ALDH1A2: variants seen among roughly 807,000 people sequenced by gnomAD.
The protein encoded by ALDH1A2 is aldehyde dehydrogenase 1 family member A2.
A neutral mutation model predicts 60.3 loss-of-function variants in ALDH1A2; 27 were observed. The observed-to-expected ratio is 0.45, with a 90% CI of 0.33 to 0.62. ALDH1A2 has a LOEUF of 0.62. ALDH1A2 is among the 20% of genes least tolerant of loss of function. The pLI is 0.02. For synonymous variants in ALDH1A2, 289 were observed against 232.4 expected (o/e 1.24, Z -2.21); for missense variants, 581 against 643.8 (o/e 0.90, Z 1.06).
At chr15:58,061,218 T>C (rs1645041937) in intron 1 of ALDH1A2, among the ~76,000 whole-genome samples, 2 of 151,982 alleles carry the variant, frequency 1.3e-5, no homozygotes, top group Admixed American at 6.6e-5. Flanking sequence ...TTGTCCAGCT[T>C]CCCTGTGTTA....
intron 7 of ALDH1A2, among the ~76,000 whole-genome samples, chr15:57,989,161 C>T (rs1360511111): frequency 6.6e-6 from 1 of 152,128 alleles, no homozygotes; most frequent in Non-Finnish European, 1.5e-5. Context: ...AAATGTTACT[C>T]GTTTTTAGAC....
rs1285033318 is a variant in ALDH1A2 at position 57,996,633 on chromosome 15, C to T, written c.494-1494G>A. On this transcript the variant is annotated intron_variant, in intron 4 of 12. Transcript: ENST00000249750. ...ACATAGAAGTCACTTTCAGTTTAGG[C>T]TATTATAAATAATGCTGCAAAGACT... Among the ~76,000 whole-genome samples, 4 of 151,808 alleles carry T rather than the reference C, an allele frequency of 2.6e-5. No individual in the cohort carries two copies. In the East Asian group the frequency reaches 7.8e-4, roughly 29 times the overall value.
Position 58,065,634 on chromosome 15 carries a change from A to G in ALDH1A2, c.17T>C (p.Ile6Thr), listed in dbSNP as rs747209920. Residue 6 changes from isoleucine (I) to threonine (T), a missense_variant, in exon 1 of 13, where the codon ATA becomes ACA. Around this residue, in one of 2 missense-constraint regions of ALDH1A2, gnomAD observed 206 missense variants for 174.1 expected, o/e 1.18. Transcript: ENST00000249750. ...GGCCTTCACCTCGCCGGGCATCTCT[A>G]TCTTGCTGGAAGTCATGGTGGCGGG... MTSSKIEMPGEVKADP... is the reference protein window; with the variant it reads MTSSKTEMPGEVKADP... 20 of 1,601,702 alleles carry G rather than the reference A, an allele frequency of 1.2e-5. No individual in the cohort carries two copies. In the South Asian group the frequency reaches 1.7e-4, roughly 13 times the overall value.
intron 7 of ALDH1A2, among the ~76,000 whole-genome samples, chr15:57,976,322 A>G (rs1180315070): frequency 6.6e-6 from 1 of 152,202 alleles, no homozygotes; most frequent in African/African-American, 2.4e-5. Context: ...ATTCTGGGAT[A>G]CATGTGCAGA....
At chr15:58,054,278 A>G (rs1896843601) in intron 1 of ALDH1A2, among the ~76,000 whole-genome samples, 1 of 152,180 alleles carries the variant, frequency 6.6e-6, no homozygotes, top group East Asian at 1.9e-4. Flanking sequence ...TTGGTAAGTA[A>G]AAAAGATCTG....
intron 7 of ALDH1A2, among the ~76,000 whole-genome samples, chr15:57,976,906 A>G (rs1458789666): frequency 7.9e-5 from 12 of 152,176 alleles, no homozygotes; most frequent in African/African-American, 2.7e-4. Flanking sequence ...CTATTTCTCC[A>G]AATCCTCTCC....
intron 1 of ALDH1A2, among the ~76,000 whole-genome samples, chr15:58,035,866 A>C (rs1456533971): frequency 6.6e-6 from 1 of 151,632 alleles, no homozygotes; most frequent in African/African-American, 2.4e-5. Context: ...GCTTGAGAAA[A>C]ATGTGCATTT....
chr15:57,972,705 T>C (rs188851821), intron 7 of ALDH1A2, among the ~76,000 whole-genome samples: 11 of 152,240 alleles, frequency 7.2e-5, no homozygotes, highest in Non-Finnish European at 1.3e-4. Flanking sequence ...TTTATGCTAA[T>C]AGTTTAAAAC....
chr15:58,031,556 C>CT (rs1896240539), intron 1 of ALDH1A2, among the ~76,000 whole-genome samples: 1 of 152,150 alleles, frequency 6.6e-6, no homozygotes, highest in Non-Finnish European at 1.5e-5. Flanking sequence ...GCAAAAGAAA[C>CT]TATCATCAGA....
chr15:58,033,851 T>A (rs1418311208), intron 1 of ALDH1A2, among the ~76,000 whole-genome samples: 2 of 40,600 alleles, frequency 4.9e-5, no homozygotes, highest in African/African-American at 1.6e-4. Context: ...TTTTTCTGTA[T>A]TTTTTTTTTG....
At chr15:58,012,460 T>C (rs1895660953) in intron 3 of ALDH1A2, among the ~76,000 whole-genome samples, 1 of 152,182 alleles carries the variant, frequency 6.6e-6, no homozygotes, top group South Asian at 2.1e-4. Context: ...GATATTGGTA[T>C]GTTAGCCAGA....
intron 9 of ALDH1A2, 42 bp downstream of exon 9, chr15:57,963,843 C>A: frequency 1.2e-6 from 2 of 1,609,522 alleles, no homozygotes; most frequent in South Asian, 2.2e-5. Flanking sequence ...CTGTGCCAGT[C>A]AAGGATTAAG....
chr15:57,980,101 G>T, intron 7 of ALDH1A2: 2 of 299,594 alleles, frequency 6.7e-6, no homozygotes, highest in East Asian at 9.5e-5. Context: ...CGCCATACAC[G>T]GTCATGCCCA....
At chr15:58,015,283 A>T (rs370881010) in intron 1 of ALDH1A2, among the ~76,000 whole-genome samples, 20 of 152,276 alleles carry the variant, frequency 1.3e-4, no homozygotes, top group African/African-American at 4.1e-4. Context: ...CTTAATAAAT[A>T]TAAATCTACA....
intron 1 of ALDH1A2, among the ~76,000 whole-genome samples, chr15:58,043,617 C>T (rs1223241241): frequency 2.0e-5 from 3 of 151,910 alleles, no homozygotes; most frequent in Non-Finnish European, 2.9e-5. Flanking sequence ...GAATATACTA[C>T]AAAGACATCA....
chr15:57,967,079 C>T (rs1893920462), intron 7 of ALDH1A2, among the ~76,000 whole-genome samples: 1 of 152,126 alleles, frequency 6.6e-6, no homozygotes, highest in African/African-American at 2.4e-5. Context: ...CTCCTGCAGT[C>T]CCTTGTTGAG....
At chr15:57,998,823 A>C (rs186809152) in intron 4 of ALDH1A2, among the ~76,000 whole-genome samples, 7 of 152,264 alleles carry the variant, frequency 4.6e-5, no homozygotes, top group Admixed American at 3.9e-4. Context: ...ACAGTAACCA[A>C]AACAACATGG....
chr15:58,049,548 A>C (rs771201172), intron 1 of ALDH1A2, among the ~76,000 whole-genome samples: 2 of 152,052 alleles, frequency 1.3e-5, no homozygotes, highest in East Asian at 3.9e-4. Flanking sequence ...GTTCTGTCTG[A>C]GTATTCGTTC....
chr15:57,965,958 T>A, intron 7 of ALDH1A2, 131 bp from the exon 8 acceptor site: 2 of 725,178 alleles, frequency 2.8e-6, no homozygotes, highest in East Asian at 2.7e-5. Context: ...CCAGCTCTTG[T>A]CATCAGCTTG....
Sources: allele counts gnomAD v4.1 joint callset (sites outside exome capture counted in the v4.1 genomes callset), GRCh38; gene constraint gnomAD v4.1.1; regional missense constraint gnomAD v4.1.1; transcripts MANE v1.5; gene names NCBI Gene and HGNC (gene_info 2026-07-23, HGNC 2026-07-21).